Variants in TBC1D1 observed in about 807,000 individuals in gnomAD.
TBC1D1 encodes the protein TBC1 domain family member 1, also known as TBC1 (tre-2/USP6, BUB2, cdc16) domain family, member 1.
Under a neutral mutation model 125.6 loss-of-function variants are expected in TBC1D1, and 89 were observed. The observed-to-expected ratio is 0.71, with a 90% confidence interval of 0.60 to 0.85. The LOEUF is 0.85. TBC1D1 is among the 40% of genes least tolerant of loss of function. TBC1D1 has a pLI of 0.00. For synonymous variants in TBC1D1, 565 were observed against 564.1 expected (o/e 1.00, Z -0.02); for missense variants, 1,377 against 1,469.2 (o/e 0.94, Z 1.03).
chr4:38,014,773 G>T lies in TBC1D1; in HGVS notation c.682G>T (p.Val228Leu). Residue 228 changes from valine (V) to leucine (L), a missense_variant, in exon 3 of 20, where the codon GTG (valine) becomes TTG (leucine). Coordinates refer to ENST00000261439, the MANE Select transcript of TBC1D1 (RefSeq NM_015173.4). This position sits in a 1 kb window ranked among gnomAD's most constrained non-coding sequence, Gnocchi z 5.1. ...CGCGCCCACAGGGAGCCAGGAGCCT[G>T]TGCGCAGGCCCATGCGCAAGTCCTT... The T allele has an allele frequency of 6.2e-7, 1 of 1,608,952 alleles. No homozygotes were observed. Among genetic ancestry groups the T allele is most frequent in the Non-Finnish European group, 8.5e-7 (1 of 1,177,878 alleles).
At chr4:37,941,887 G>A (rs1366575388) in intron 2 of TBC1D1, among the ~76,000 whole-genome samples, 2 of 152,232 alleles carry the variant, frequency 1.3e-5, no homozygotes, top group African/African-American at 4.8e-5. Flanking sequence ...TGGTCAGAGA[G>A]ACAGTTTGTT....
intron 12 of TBC1D1, among the ~76,000 whole-genome samples, chr4:38,070,930 C>A (rs1250061096): frequency 6.6e-6 from 1 of 152,168 alleles, no homozygotes; most frequent in Admixed American, 6.5e-5. Flanking sequence ...TGATGCTAAC[C>A]AGTATTCAGA....
At chr4:38,066,134 G>T (rs958147450) in intron 12 of TBC1D1, among the ~76,000 whole-genome samples, 1 of 152,124 alleles carries the variant, frequency 6.6e-6, no homozygotes, top group African/African-American at 2.4e-5. Context: ...TGATAGGTTT[G>T]CTCACTTAAA....
intron 18 of TBC1D1, chr4:38,132,838 T>A: frequency 7.2e-6 from 2 of 276,282 alleles, no homozygotes; most frequent in Non-Finnish European, 1.4e-5. Context: ...AAGGTGAGTA[T>A]CAAAAACCTG....
chr4:38,045,690 C>T (rs530334610), intron 9 of TBC1D1, 127 bp from the exon 10 acceptor site: 154 of 662,334 alleles, frequency 2.3e-4, no homozygotes, highest in African/African-American at 2.3e-3. Flanking sequence ...GTACAAATAT[C>T]CTTAGTAGCA....
chr4:37,933,984 A>G (rs1395604415), intron 2 of TBC1D1, among the ~76,000 whole-genome samples: 1 of 152,214 alleles, frequency 6.6e-6, no homozygotes, highest in African/African-American at 2.4e-5. Flanking sequence ...CTGTTGTTGC[A>G]GGTTGAAAGT....
intron 17 of TBC1D1, among the ~76,000 whole-genome samples, chr4:38,120,670 C>T (rs568451367): frequency 2.0e-5 from 3 of 152,270 alleles, no homozygotes; most frequent in Admixed American, 1.3e-4. Flanking sequence ...GTGATGTGTG[C>T]GCCTTAACCT....
At chr4:38,117,966 C>A in intron 16 of TBC1D1, 67 bp from the exon 19 acceptor site, 1 of 1,432,334 alleles carries the variant, frequency 7.0e-7, no homozygotes, top group Non-Finnish European at 9.7e-7. Context: ...ACCCTGTGAG[C>A]AGTAGGCATA....
intron 15 of TBC1D1, among the ~76,000 whole-genome samples, chr4:38,108,328 C>G (rs1409040136): frequency 1.3e-5 from 2 of 152,212 alleles, no homozygotes; most frequent in Non-Finnish European, 2.9e-5. Context: ...GGCGTGCAGC[C>G]TCTCCCATGA....
intron 16 of TBC1D1, 104 bp downstream of exon 18, chr4:38,116,058 T>C (rs1762936354): frequency 2.3e-6 from 3 of 1,286,372 alleles, no homozygotes; most frequent in Non-Finnish European, 2.2e-6. Flanking sequence ...GGTAACATTG[T>C]AATAGCTGTC....
chr4:38,045,924 A>G (rs6845120), intron 10 of TBC1D1, 21 bp downstream of exon 10: 494,935 of 1,603,316 alleles, frequency 0.31, 80,386 homozygotes, highest in East Asian at 0.65. Context: ...TTCTCTTTAT[A>G]CGACACCCTG....
chr4:38,013,320 G>A (rs1741931692), intron 2 of TBC1D1, among the ~76,000 whole-genome samples: 1 of 152,128 alleles, frequency 6.6e-6, no homozygotes, highest in Non-Finnish European at 1.5e-5. Flanking sequence ...TGAATATAAG[G>A]ATACTTTTAA....
chr4:38,110,526 A>G (rs1365326034), intron 15 of TBC1D1: 1 of 985,318 alleles, frequency 1.0e-6, no homozygotes, highest in East Asian at 1.1e-4. Context: ...GGTCATTTAG[A>G]AATATGTTTG....
At chr4:38,110,507 G>A in intron 15 of TBC1D1, 2 of 985,370 alleles carry the variant, frequency 2.0e-6, no homozygotes, top group Non-Finnish European at 2.4e-6. Flanking sequence ...TCATGAAGAG[G>A]AATTACTAGG....
intron 12 of TBC1D1, chr4:38,060,590 G>A (rs933618393): frequency 5.4e-6 from 7 of 1,285,798 alleles, no homozygotes; most frequent in South Asian, 2.5e-5. Flanking sequence ...GGATGCTTAC[G>A]TCTGTGTGAC....
intron 7 of TBC1D1, among the ~76,000 whole-genome samples, chr4:38,035,253 G>A (rs533374167): frequency 6.6e-6 from 1 of 152,142 alleles, no homozygotes; most frequent in East Asian, 1.9e-4. Flanking sequence ...GGTCATCATG[G>A]CCCCTGACCT....
At chr4:37,923,270 C>CAA (rs772977876) in intron 2 of TBC1D1, among the ~76,000 whole-genome samples, 44 of 152,286 alleles carry the variant, frequency 2.9e-4, no homozygotes, top group Middle Eastern at 6.8e-3. Context: ...CAGGTCCCTG[C>CAA]AAAGGACATG....
intron 12 of TBC1D1, among the ~76,000 whole-genome samples, chr4:38,082,049 T>C (rs1756658350): frequency 6.6e-6 from 1 of 152,170 alleles, no homozygotes; most frequent in African/African-American, 2.4e-5. Flanking sequence ...GCCCAGCACA[T>C]AGTAAGTGCC....
At chr4:38,074,494 C>T (rs1325069784) in intron 12 of TBC1D1, among the ~76,000 whole-genome samples, 1 of 152,188 alleles carries the variant, frequency 6.6e-6, no homozygotes, top group Non-Finnish European at 1.5e-5. Flanking sequence ...AACTTTTAAG[C>T]TGAGTGTGCA....
Sources: gnomAD v4.1 joint callset for allele counts (sites outside exome capture counted in the v4.1 genomes callset) on GRCh38, gnomAD v4.1.1 for gene constraint, Gnocchi (gnomAD v3.1) non-coding constraint, MANE v1.5 for transcripts, NCBI Gene and HGNC (gene_info 2026-07-23, HGNC 2026-07-21) for gene names.